EPHA5: variants seen among roughly 807,000 people sequenced by gnomAD.
EPHA5 encodes the protein EPH receptor A5.
A neutral mutation model predicts 105.0 loss-of-function variants in EPHA5; 60 were observed. That is an observed-to-expected ratio of 0.57 (90% CI 0.46 to 0.71). The LOEUF (loss-of-function observed/expected upper bound fraction) is 0.71, where lower values mean the gene tolerates loss of function less well. EPHA5 is among the 30% of genes least tolerant of loss of function. The probability of loss-of-function intolerance (pLI) is 0.00; values close to 1 mark genes in which losing one functional copy is unlikely to be tolerated. For missense variants in EPHA5, 1,218 were observed against 1,274.7 expected (o/e 0.96, Z 0.68); for synonymous variants, 513 against 449.1 (o/e 1.14, Z -1.80).
chr4:65,495,995 T>C (rs1731896465), intron 3 of EPHA5, among the ~76,000 whole-genome samples: 1 of 152,154 alleles, frequency 6.6e-6, no homozygotes, highest in Non-Finnish European at 1.5e-5. Flanking sequence ...AATTAATTAG[T>C]ATGTGCTAAA....
rs560896867 is a variant in EPHA5 at position 65,440,891 on chromosome 4, G to A, written c.1403-20326C>T. The stretch of plus-strand genomic sequence containing the variant: ...GAAGAGCAAAGAAATTGAGGAGGCT[G>A]CTTTGTGTGCAACTTACCAAGCTTA... On this transcript the variant is annotated intron_variant, in intron 5 of 16. Coordinates refer to ENST00000613740, the MANE Select transcript of EPHA5 (RefSeq NM_001281766.3). Among the ~76,000 whole-genome samples the A allele has an allele frequency of 2.6e-5, 4 of 152,186 alleles. No homozygotes were observed. In the East Asian group the frequency reaches 7.8e-4, roughly 29 times the overall value.
At chr4:65,324,350 C>A (rs1178368257) in intron 16 of EPHA5, 131 bp from the exon 17 acceptor site, 4 of 563,204 alleles carry the variant, frequency 7.1e-6, no homozygotes, top group Non-Finnish European at 1.2e-5. Context: ...CATACAGAGT[C>A]TAGTTTTTAA....
chr4:65,332,273 G>A, intron 15 of EPHA5, 145 bp from the exon 16 acceptor site: 2 of 597,778 alleles, frequency 3.3e-6, no homozygotes, highest in Admixed American at 4.0e-5. Flanking sequence ...TAATATGGAA[G>A]AAAATAATTT....
chr4:65,451,468 A>G (rs1200597319), intron 5 of EPHA5, among the ~76,000 whole-genome samples: 2 of 152,166 alleles, frequency 1.3e-5, no homozygotes, highest in Non-Finnish European at 2.9e-5. Context: ...GTTCAAAGTT[A>G]TATTTAAAAA....
intron 5 of EPHA5, among the ~76,000 whole-genome samples, chr4:65,427,857 T>C (rs1724597486): frequency 6.6e-6 from 1 of 152,224 alleles, no homozygotes; most frequent in Admixed American, 6.5e-5. Flanking sequence ...TAATACTGTC[T>C]ACACTGAATT....
chr4:65,522,219 G>A (rs1347912017), intron 3 of EPHA5, among the ~76,000 whole-genome samples: 1 of 151,486 alleles, frequency 6.6e-6, no homozygotes. Flanking sequence ...AAGATTACAA[G>A]ATGGGGATTT....
chr4:65,348,783 G>A (rs1722513303), intron 13 of EPHA5, among the ~76,000 whole-genome samples: 8 of 17,592 alleles, frequency 4.5e-4, no homozygotes, highest in Non-Finnish European at 1.2e-3. Context: ...GTGTGCATGT[G>A]TGTGTGTGTG....
chr4:65,579,406 A>G (rs534512814), intron 3 of EPHA5, among the ~76,000 whole-genome samples: 32 of 148,436 alleles, frequency 2.2e-4, no homozygotes, highest in Middle Eastern at 7.2e-3. Flanking sequence ...TTTATTCTAA[A>G]CTGCCATTTG....
chr4:65,458,826 C>G (rs769088626), intron 5 of EPHA5, among the ~76,000 whole-genome samples: 1 of 151,826 alleles, frequency 6.6e-6, no homozygotes, highest in East Asian at 1.9e-4. Context: ...TTTAGTGAAC[C>G]GTTCATTTAC....
At chr4:65,621,390 A>T (rs1745691780) in intron 2 of EPHA5, among the ~76,000 whole-genome samples, 3 of 152,164 alleles carry the variant, frequency 2.0e-5, no homozygotes, top group African/African-American at 7.2e-5. Context: ...GAATATGGAG[A>T]TAATAAGATA....
chr4:65,648,113 T>C (rs1242605637), intron 1 of EPHA5, among the ~76,000 whole-genome samples: 2 of 152,202 alleles, frequency 1.3e-5, no homozygotes, highest in Admixed American at 1.3e-4. Context: ...CTCATTATAT[T>C]TGTTGAGATT....
intron 5 of EPHA5, among the ~76,000 whole-genome samples, chr4:65,468,520 TACAG>T (rs1444314864): frequency 2.8e-5 from 4 of 141,300 alleles, no homozygotes; most frequent in Non-Finnish European, 4.5e-5. Context: ...TACACATATA[TACAG>T]ACACACACCT....
intron 3 of EPHA5, among the ~76,000 whole-genome samples, chr4:65,579,387 T>C (rs1578482037): frequency 6.8e-6 from 1 of 147,740 alleles, no homozygotes; most frequent in South Asian, 2.1e-4. Context: ...AATATATATA[T>C]ATAAAATATT....
chr4:65,416,090 G>A (rs1423537080), intron 6 of EPHA5, among the ~76,000 whole-genome samples: 17 of 151,960 alleles, frequency 1.1e-4, no homozygotes, highest in Admixed American at 1.1e-3. Context: ...CTCTCAGTAA[G>A]TAAGTTAAAT....
At chr4:65,581,067 A>G (rs1031698122) in intron 3 of EPHA5, among the ~76,000 whole-genome samples, 3 of 151,842 alleles carry the variant, frequency 2.0e-5, no homozygotes, top group African/African-American at 7.2e-5. Context: ...TACTATCTTC[A>G]ACTAGGAAAA....
At chr4:65,434,788 C>T (rs528419811) in intron 5 of EPHA5, among the ~76,000 whole-genome samples, 7 of 152,146 alleles carry the variant, frequency 4.6e-5, no homozygotes, top group African/African-American at 1.7e-4. Flanking sequence ...TGTTGTAGGC[C>T]ATCTCACTAC....
chr4:65,642,742 TATA>T (rs1474892445), intron 2 of EPHA5, among the ~76,000 whole-genome samples: 1 of 152,018 alleles, frequency 6.6e-6, no homozygotes, highest in Non-Finnish European at 1.5e-5. Flanking sequence ...TCAAATTTGT[TATA>T]ATATTTGATT....
intron 2 of EPHA5, among the ~76,000 whole-genome samples, chr4:65,621,719 A>C (rs1745721074): frequency 6.6e-6 from 1 of 152,068 alleles, no homozygotes; most frequent in Non-Finnish European, 1.5e-5. Context: ...ATGTTGGGTT[A>C]TTTTCAGAAA....
At chr4:65,341,699 T>A (rs2882227) in intron 14 of EPHA5, among the ~76,000 whole-genome samples, 15,136 of 151,926 alleles carry the variant, frequency 0.1, 789 homozygotes, top group Middle Eastern at 0.14. Context: ...TGTGAAAATG[T>A]AGGCTTGAAA....
Sources: gnomAD v4.1 joint callset for allele counts (sites outside exome capture counted in the v4.1 genomes callset) on GRCh38, gnomAD v4.1.1 for gene constraint, MANE v1.5 for transcripts, NCBI Gene and HGNC (gene_info 2026-07-23, HGNC 2026-07-21) for gene names.